Variants in MAGI2 observed in about 807,000 individuals in gnomAD.
The protein encoded by MAGI2 is membrane-associated guanylate kinase, WW and PDZ domain-containing protein 2.
Under a neutral mutation model 133.3 loss-of-function variants are expected in MAGI2, and 35 were observed. That is an observed-to-expected ratio of 0.26 (90% CI 0.20 to 0.35). MAGI2 has a LOEUF of 0.35. Among genes scored for constraint, MAGI2 ranks in the 10% least tolerant of loss-of-function variants. MAGI2 has a pLI of 1.00. For synonymous variants in MAGI2, 729 were observed against 710.6 expected (o/e 1.03, Z -0.41); for missense variants, 1,636 against 1,863.4 (o/e 0.88, Z 2.25).
At chr7:79,239,153 G>A (rs749314684) in intron 1 of MAGI2, among the ~76,000 whole-genome samples, 1 of 152,012 alleles carries the variant, frequency 6.6e-6, no homozygotes, top group Non-Finnish European at 1.5e-5. Flanking sequence ...ATTACTACAT[G>A]AACATAAAAT....
intron 1 of MAGI2, among the ~76,000 whole-genome samples, chr7:79,039,105 T>A (rs903490650): frequency 2.0e-5 from 3 of 152,144 alleles, no homozygotes; most frequent in Non-Finnish European, 4.4e-5. Context: ...GGTAATTAGA[T>A]CATGGGGCTG....
chr7:78,372,364 ACTG>A (rs1022523696), intron 6 of MAGI2, among the ~76,000 whole-genome samples: 2 of 152,212 alleles, frequency 1.3e-5, no homozygotes, highest in African/African-American at 4.8e-5. Flanking sequence ...AAACAAAACA[ACTG>A]CTGCTTCTTT....
intron 2 of MAGI2, among the ~76,000 whole-genome samples, chr7:78,665,094 T>G (rs1813402759): frequency 6.6e-6 from 1 of 152,082 alleles, no homozygotes. Context: ...AATTTAAAAA[T>G]TTTCAGCTCT....
intron 6 of MAGI2, among the ~76,000 whole-genome samples, chr7:78,414,125 T>C (rs916951906): frequency 6.6e-6 from 1 of 152,028 alleles, no homozygotes; most frequent in African/African-American, 2.4e-5. Flanking sequence ...AGTTGATGTA[T>C]GGAAATATTT....
chr7:79,165,757 C>T (rs927919388), intron 1 of MAGI2, among the ~76,000 whole-genome samples: 1 of 152,050 alleles, frequency 6.6e-6, no homozygotes, highest in African/African-American at 2.4e-5. Context: ...ATGTCTCATT[C>T]AACTTTCAGA....
intron 1 of MAGI2, among the ~76,000 whole-genome samples, chr7:79,020,979 G>A (rs1244261311): frequency 3.0e-4 from 46 of 152,200 alleles, no homozygotes; most frequent in Non-Finnish European, 1.5e-5. Flanking sequence ...CATGCCAGCT[G>A]CTTCAGCTCC....
chr7:78,022,983 A>G (rs749089287), intron 21 of MAGI2, among the ~76,000 whole-genome samples: 5 of 152,266 alleles, frequency 3.3e-5, no homozygotes, highest in Admixed American at 6.5e-5. Flanking sequence ...AAGATTTACT[A>G]TATCACAAAG....
chr7:79,452,023 A>C (rs527423935), intron 1 of MAGI2, among the ~76,000 whole-genome samples: 1 of 152,274 alleles, frequency 6.6e-6, no homozygotes, highest in East Asian at 1.9e-4. Flanking sequence ...ATCTCCCCAA[A>C]TCCACATCAC....
chr7:79,201,893 A>G (rs942924519), intron 1 of MAGI2, among the ~76,000 whole-genome samples: 3 of 152,040 alleles, frequency 2.0e-5, no homozygotes, highest in African/African-American at 4.8e-5. Context: ...TGCTTTTATT[A>G]TCTAAGACTC....
intron 3 of MAGI2, among the ~76,000 whole-genome samples, chr7:78,545,370 G>A (rs1344812425): frequency 2.0e-5 from 3 of 151,756 alleles, no homozygotes; most frequent in Admixed American, 6.6e-5. Context: ...GCACCACCAT[G>A]CCCGGCTAAT....
chr7:78,862,984 C>T (rs1368245597), intron 2 of MAGI2, among the ~76,000 whole-genome samples: 1 of 152,200 alleles, frequency 6.6e-6, no homozygotes, highest in Non-Finnish European at 1.5e-5. Context: ...AAGTAACAAA[C>T]TGTAAAGTGT....
At chr7:78,473,985 C>T (rs189593935) in intron 6 of MAGI2, among the ~76,000 whole-genome samples, 27 of 152,100 alleles carry the variant, frequency 1.8e-4, no homozygotes, top group Admixed American at 5.9e-4. Flanking sequence ...TTTGGGTTTT[C>T]GTTACCATCT....
At chr7:78,653,088 C>T (rs992149473) in intron 2 of MAGI2, among the ~76,000 whole-genome samples, 1 of 152,230 alleles carries the variant, frequency 6.6e-6, no homozygotes, top group African/African-American at 2.4e-5. Context: ...CAATGAGATA[C>T]CATCTCATGC....
rs3086258 is a variant in MAGI2, at chr7:78,775,320, T to TAAAAAAAA, written c.419-148089_419-148082dup. ...AGAGCGAGACTCTGTCGTCTCAAAT[T>TAAAAAAAA]AAAAAAAAAAAAAAAAAAAAAAAAA... On this transcript the variant is annotated intron_variant, in intron 2 of 21. Transcript: ENST00000354212. Among the ~76,000 whole-genome samples the TAAAAAAAA allele has an allele frequency of 4.0e-3, 227 of 57,372 alleles. 30 individuals are homozygous for TAAAAAAAA. Among genetic ancestry groups the TAAAAAAAA allele is most frequent in the Non-Finnish European group, 5.0e-3 (158 of 31,768 alleles). The allele number at this position is 57,372 out of a possible 152,430, so 37.6% of individuals were successfully genotyped here. A position where few individuals can be genotyped will look rare whatever the true frequency, so the allele number is the denominator to read the frequency against.
In MAGI2 at chr7:78,019,964, G is replaced by T. The variant is rs537171726; in HGVS notation, c.3719C>A (p.Pro1240His). 5.8e-5 allele frequency: 93 copies of T among 1,606,204 alleles called. No individual in the cohort carries two copies. In the East Asian group the frequency reaches 1.9e-3, roughly 33 times the overall value. ...GGCGGCGGCAGCGGGAGAACTCCAG[G>T]GGGCGGGTTCGTCTGTGGACGGGAA... is the stretch of plus-strand genomic sequence containing the variant. ...GQVPEYDEPA[P>H]WSSPAAAAPG... The change falls in exon 22 of 22, where the codon CCC becomes CAC. Residue 1240 changes from proline (P) to histidine (H), a missense_variant. Around this residue, in one of 5 missense-constraint regions of MAGI2, gnomAD observed 354 missense variants for 298.7 expected, o/e 1.19. Transcript: ENST00000354212.
At chr7:78,456,751 T>C (rs1186144909) in intron 6 of MAGI2, among the ~76,000 whole-genome samples, 1 of 152,076 alleles carries the variant, frequency 6.6e-6, no homozygotes, top group Non-Finnish European at 1.5e-5. Context: ...AGGAAGACAA[T>C]ATATTCAACC....
At chr7:78,690,543 T>G (rs1236573298) in intron 2 of MAGI2, among the ~76,000 whole-genome samples, 3 of 152,224 alleles carry the variant, frequency 2.0e-5, no homozygotes, top group Admixed American at 1.3e-4. Context: ...AATCTATATC[T>G]AGGAATAGAG....
chr7:79,314,687 A>G (rs1273919709), intron 1 of MAGI2, among the ~76,000 whole-genome samples: 2 of 152,164 alleles, frequency 1.3e-5, no homozygotes, highest in South Asian at 2.1e-4. Flanking sequence ...TTCTAAGTCA[A>G]CCAACATGGC....
intron 7 of MAGI2, among the ~76,000 whole-genome samples, chr7:78,361,298 G>A (rs905987456): frequency 6.6e-6 from 1 of 151,586 alleles, no homozygotes; most frequent in African/African-American, 2.4e-5. Context: ...GGGGGCTGAG[G>A]CAGAGAACTG....
Sources: gnomAD v4.1 joint callset for allele counts (sites outside exome capture counted in the v4.1 genomes callset) on GRCh38, gnomAD v4.1.1 for gene constraint, gnomAD v4.1.1 regional missense constraint, MANE v1.5 for transcripts, NCBI Gene and HGNC (gene_info 2026-07-23, HGNC 2026-07-21) for gene names.